JAZF1: variants seen among roughly 807,000 people sequenced by gnomAD.
JAZF1 encodes the protein juxtaposed with another zinc finger protein 1.
Under a neutral mutation model 26.4 loss-of-function variants are expected in JAZF1, and 8 were observed. That is an observed-to-expected ratio of 0.30 (90% CI 0.18 to 0.55). The LOEUF (loss-of-function observed/expected upper bound fraction) is 0.55, where lower values mean the gene tolerates loss of function less well. Among genes scored for constraint, JAZF1 ranks in the 20% least tolerant of loss-of-function variants. The pLI, the probability that JAZF1 is intolerant of heterozygous loss-of-function variation, is 0.94. For missense variants in JAZF1, 199 were observed against 322.0 expected, an observed-to-expected ratio of 0.62 and a Z score of 2.92; for synonymous variants, 126 against 122.3, an observed-to-expected ratio of 1.03 and a Z score of -0.20.
intron 1 of JAZF1, among the ~76,000 whole-genome samples, chr7:28,059,389 GAA>G (rs1225388641): frequency 6.6e-6 from 1 of 152,090 alleles, no homozygotes; most frequent in Admixed American, 6.6e-5. Flanking sequence ...TGGTTATTCT[GAA>G]AAGACTGAAA....
chr7:28,180,235 C>T (rs1783620297), intron 1 of JAZF1: 1 of 138,400 alleles, frequency 7.2e-6, no homozygotes, highest in Admixed American at 7.1e-5. Flanking sequence ...GCCCGCCCGC[C>T]CGCCCGCGGC....
chr7:28,088,764 T>C (rs562925367), intron 1 of JAZF1, among the ~76,000 whole-genome samples: 1 of 152,236 alleles, frequency 6.6e-6, no homozygotes, highest in Non-Finnish European at 1.5e-5. Context: ...AAATCACTAT[T>C]TGCATTCTGT....
At chr7:27,871,916 T>C (rs1416382003) in intron 3 of JAZF1, among the ~76,000 whole-genome samples, 1 of 152,100 alleles carries the variant, frequency 6.6e-6, no homozygotes, top group East Asian at 1.9e-4. Context: ...GAGAAAGTGG[T>C]GGTACTATCT....
chr7:28,137,668 C>A (rs929202568), intron 1 of JAZF1, among the ~76,000 whole-genome samples: 1 of 152,134 alleles, frequency 6.6e-6, no homozygotes, highest in African/African-American at 2.4e-5. Flanking sequence ...GATGCCTCCC[C>A]CTCTCCACAG....
intron 1 of JAZF1, among the ~76,000 whole-genome samples, chr7:28,171,527 G>A (rs1412529743): frequency 2.6e-5 from 4 of 152,230 alleles, no homozygotes; most frequent in Non-Finnish European, 5.9e-5. Flanking sequence ...ACAGTGCACA[G>A]GAGGTGACCA....
intron 1 of JAZF1, among the ~76,000 whole-genome samples, chr7:28,016,947 C>T (rs1356133237): frequency 6.6e-6 from 1 of 152,162 alleles, no homozygotes; most frequent in Non-Finnish European, 1.5e-5. Flanking sequence ...ACTAAGTATA[C>T]ATTGTTATGT....
intron 1 of JAZF1, among the ~76,000 whole-genome samples, chr7:28,002,383 C>CG (rs1782615256): frequency 6.6e-6 from 1 of 152,142 alleles, no homozygotes; most frequent in Non-Finnish European, 1.5e-5. Flanking sequence ...ATCTGGTACC[C>CG]GAGTCTCCAA....
At chr7:28,003,448 A>G (rs1453348667) in intron 1 of JAZF1, among the ~76,000 whole-genome samples, 1 of 152,224 alleles carries the variant, frequency 6.6e-6, no homozygotes, top group African/African-American at 2.4e-5. Context: ...TAATGAAGCA[A>G]ATTGCACATG....
At chr7:27,930,152 C>T (rs1282381339) in intron 2 of JAZF1, among the ~76,000 whole-genome samples, 2 of 152,056 alleles carry the variant, frequency 1.3e-5, no homozygotes, top group Non-Finnish European at 2.9e-5. Context: ...CCTGCCACCA[C>T]GCTCGGCTAA....
chr7:27,872,250 G>GA (rs1562514084), intron 3 of JAZF1, among the ~76,000 whole-genome samples: 1 of 151,942 alleles, frequency 6.6e-6, no homozygotes, highest in African/African-American at 2.4e-5. Flanking sequence ...TCCATATAAA[G>GA]AAAAAAACAA....
intron 2 of JAZF1, among the ~76,000 whole-genome samples, chr7:27,896,595 C>T (rs1173710970): frequency 6.6e-6 from 1 of 152,196 alleles, no homozygotes; most frequent in Non-Finnish European, 1.5e-5. Context: ...TTCACCTAAC[C>T]TATTTCACAT....
At chr7:27,902,462 G>A (rs1246014831) in intron 2 of JAZF1, among the ~76,000 whole-genome samples, 1 of 152,158 alleles carries the variant, frequency 6.6e-6, no homozygotes, top group Non-Finnish European at 1.5e-5. Context: ...ATATATTAGT[G>A]TAGCAGTTAA....
At chr7:27,881,239 G>A (rs966815890) in intron 3 of JAZF1, among the ~76,000 whole-genome samples, 10 of 152,216 alleles carry the variant, frequency 6.6e-5, no homozygotes, top group African/African-American at 2.2e-4. Context: ...GGTGGTGGCA[G>A]TAGCCCATCT....
intron 1 of JAZF1, among the ~76,000 whole-genome samples, chr7:28,169,631 C>G (rs1023224139): frequency 6.6e-6 from 1 of 152,126 alleles, no homozygotes; most frequent in African/African-American, 2.4e-5. Context: ...CCAAGCTTTC[C>G]ATAAGAAGTA....
At position 27,830,742 on chromosome 7, in the gene JAZF1, T is replaced by G. The variant is rs2128328999; in HGVS notation, c.*2058A>C. On this transcript the variant is annotated 3_prime_UTR_variant, in exon 5 of 5. Coordinates refer to ENST00000283928, the MANE Select transcript of JAZF1 (RefSeq NM_175061.4). ...CAACAAAACATATGAAAATATAATT[T>G]AAAGCACAGTTTTCACAGACACAGT... 5.1e-6 allele frequency: 1 copy of G among 197,566 alleles called. No individual in the cohort carries two copies. Among genetic ancestry groups the G allele is most frequent in the Admixed American group, 6.1e-5 (1 of 16,512 alleles). 12.2% of individuals were successfully genotyped at this position (197,566 alleles called of 1,614,324 possible).
intron 2 of JAZF1, among the ~76,000 whole-genome samples, chr7:27,977,953 A>G (rs1414083734): frequency 6.6e-6 from 1 of 152,210 alleles, no homozygotes; most frequent in African/African-American, 2.4e-5. Context: ...TAGAGCCTGA[A>G]AACCATTATG....
At chr7:28,078,635 C>T (rs959245982) in intron 1 of JAZF1, among the ~76,000 whole-genome samples, 3 of 152,188 alleles carry the variant, frequency 2.0e-5, no homozygotes, top group Admixed American at 6.5e-5. Context: ...AAAGGATCTA[C>T]TTGGGTTTTT....
intron 1 of JAZF1, among the ~76,000 whole-genome samples, chr7:28,076,970 C>T (rs1034938358): frequency 1.3e-5 from 2 of 151,908 alleles, no homozygotes; most frequent in East Asian, 1.9e-4. Flanking sequence ...AGTGTGTAGA[C>T]GACAACCAAT....
At chr7:28,096,582 T>C (rs1243002297) in intron 1 of JAZF1, among the ~76,000 whole-genome samples, 1 of 152,214 alleles carries the variant, frequency 6.6e-6, no homozygotes, top group South Asian at 2.1e-4. Flanking sequence ...TGATAGACGA[T>C]TCAAGGAAAA....
Sources: gnomAD v4.1 joint callset for allele counts (sites outside exome capture counted in the v4.1 genomes callset) on GRCh38, gnomAD v4.1.1 for gene constraint, MANE v1.5 for transcripts, NCBI Gene and HGNC (gene_info 2026-07-23, HGNC 2026-07-21) for gene names.